Variants in ZNF891 observed in about 807,000 individuals in gnomAD.
The protein encoded by ZNF891 is hCG1646157.
For synonymous variants in ZNF891, 199 were observed against 209.0 expected (o/e 0.95, Z 0.41); for missense variants, 589 against 632.7 (o/e 0.93, Z 0.74).
chr12:133,126,832 A>T (rs1404262574), intron 1 of ZNF891, among the ~76,000 whole-genome samples: 1 of 151,982 alleles, frequency 6.6e-6, no homozygotes, highest in East Asian at 1.9e-4. Context: ...TAAATGAATA[A>T]ATAAGTAAAG....
rs1413767844 is a variant in ZNF891 at position 133,115,587 on chromosome 12, G to A, written c.*4697C>T. The A allele has an allele frequency of 1.3e-5, 2 of 151,996 alleles. No individual in the cohort carries two copies. The highest frequency in any genetic ancestry group is 6.6e-5 in the Admixed American group (1 of 15,262). 9.4% of individuals were successfully genotyped at this position (151,996 alleles called of 1,614,324 possible). On this transcript the variant is annotated 3_prime_UTR_variant, in exon 2 of 2. Transcript: ENST00000537226. Reference sequence around the variant, plus strand: ...ATTGTTTTCTCCTATGCATGTATTAGTTTTATTATTAAAAACCACAAAGTT... The same window carrying A: ...ATTGTTTTCTCCTATGCATGTATTAATTTTATTATTAAAAACCACAAAGTT...
At chr12:133,122,969 A>C (rs1475882207) in intron 1 of ZNF891, among the ~76,000 whole-genome samples, 1 of 152,230 alleles carries the variant, frequency 6.6e-6, no homozygotes, top group Non-Finnish European at 1.5e-5. Context: ...AAAATAACAT[A>C]TAGCGTAAAT....
At position 133,120,892 on chromosome 12, in the gene ZNF891, T is replaced by C. The variant is rs1263177950; in HGVS notation, c.1027A>G (p.Met343Val). 2.6e-6 allele frequency: 4 copies of C among 1,539,454 alleles called. No individual in the cohort carries two copies. Among genetic ancestry groups the C allele is most frequent in the Non-Finnish European group, 3.5e-6 (4 of 1,147,052 alleles). ...TTACATTCATATTGTTTCTCACCCATGTGACTTTTCTTGTATAAAGTAAGA... is the reference window on the plus strand; with the variant it reads ...TTACATTCATATTGTTTCTCACCCACGTGACTTTTCTTGTATAAAGTAAGA... ...SNLTLYKKSH[M>V]GEKQYECKEC... Residue 343 changes from methionine (M) to valine (V), a missense_variant, in exon 2 of 2, where the codon ATG (methionine) becomes GTG (valine). Coordinates refer to ENST00000537226, the MANE Select transcript of ZNF891 (RefSeq NM_001277291.2).
In ZNF891 at chr12:133,120,340, G is replaced by A; in HGVS notation, c.1579C>T (p.Gln527Ter). The change falls in exon 2 of 2, where the codon CAG becomes TAG. Residue 527 changes from glutamine to a stop codon, truncating the protein, a stop_gained. Transcript: ENST00000537226. LOFTEE classifies it low-confidence loss of function (END_TRUNC). ...TTGTGTATAATAAGTGAAGAGCTCT[G>A]ACTGAAGGCTTTTCCACATTGAATA... ...ECIQCGKAFS[Q>*]SSSLIIHKRI... 2 of 1,573,268 alleles carry A rather than the reference G, an allele frequency of 1.3e-6. No individual in the cohort carries two copies. Among genetic ancestry groups the A allele is most frequent in the South Asian group, 2.3e-5 (2 of 87,118 alleles).
Position 133,121,218 on chromosome 12 carries a change from T to C in ZNF891, c.701A>G (p.Asn234Ser). 1.3e-6 allele frequency: 2 copies of C among 1,535,582 alleles called. No individual in the cohort carries two copies. Among genetic ancestry groups the C allele is most frequent in the East Asian group, 4.9e-5 (2 of 40,904 alleles). ...CTCACTTATAGAGTTTTTCACATAATTGTTTATGATTGAATTGTGTTTCAA... is the reference window on the plus strand; with the variant it reads ...CTCACTTATAGAGTTTTTCACATAACTGTTTATGATTGAATTGTGTTTCAA... ...GCLKHNSIIN[N>S]YVKNSISEKL... The change falls in exon 2 of 2, where the codon AAT (asparagine) becomes AGT (serine). Residue 234 changes from asparagine (N) to serine (S), a missense_variant. Physicochemically the swap from Asn to Ser is conservative, Grantham distance 46. Transcript: ENST00000537226.
chr12:133,129,863 G>C (rs985638191), intron 1 of ZNF891, among the ~76,000 whole-genome samples: 6 of 152,182 alleles, frequency 3.9e-5, no homozygotes, highest in South Asian at 2.1e-4. Context: ...CTCATTACTA[G>C]GTTTAGAGAT....
At position 133,121,101 on chromosome 12, in the gene ZNF891, C is replaced by T. The variant is rs1475757558; in HGVS notation, c.818G>A (p.Gly273Glu). 4 of 1,535,456 alleles carry T rather than the reference C, an allele frequency of 2.6e-6. No homozygotes were observed. Among genetic ancestry groups the T allele is most frequent in the Non-Finnish European group, 2.6e-6 (3 of 1,146,772 alleles). ...VQKEYTYSKH[G>E]MHFTHNMFPV... ...AAACATATTATGTGTGAAGTGCATT[C>T]CATGTTTAGAATATGTGTACTCTTT... The change falls in exon 2 of 2, where the codon GGA (glycine) becomes GAA (glutamate). Residue 273 changes from glycine (G) to glutamate (E), a missense_variant. Transcript: ENST00000537226.
In ZNF891 at chr12:133,121,305, A is replaced by C; in HGVS notation, c.614T>G (p.Ile205Ser). ...ACTGGTGAAAATGCTCTGTGAAAAA[A>C]TAAGTTTTGATCCAAGTTTAGAGTT... The part of the protein sequence containing the change: ...EENSKLGSKL[I>S]FSQSIFTSKH... The change falls in exon 2 of 2, where the codon ATT (isoleucine) becomes AGT (serine). Residue 205 changes from isoleucine to serine, a missense_variant. Physicochemically the swap from Ile to Ser is moderately radical, Grantham distance 142 (BLOSUM62 -2). Transcript: ENST00000537226. 3 of 1,535,602 alleles carry C rather than the reference A, an allele frequency of 2.0e-6. No homozygotes were observed. Among genetic ancestry groups the C allele is most frequent in the Non-Finnish European group, 2.6e-6 (3 of 1,146,678 alleles).
intron 1 of ZNF891, among the ~76,000 whole-genome samples, chr12:133,127,124 C>T (rs1040822622): frequency 2.4e-4 from 36 of 151,774 alleles, no homozygotes; most frequent in African/African-American, 8.4e-4. Context: ...CCACCACGCC[C>T]GGCTAATTTT....
rs774261530 is a variant in ZNF891 at position 133,106,011 on chromosome 12, A to T, written c.*14273T>A. 3.1e-6 allele frequency: 5 copies of T among 1,614,182 alleles called. No homozygotes were observed. In the Admixed American group the frequency reaches 8.3e-5, roughly 27 times the overall value. On this transcript the variant is annotated 3_prime_UTR_variant, in exon 2 of 2. Coordinates refer to ENST00000537226, the MANE Select transcript of ZNF891 (RefSeq NM_001277291.2). ...AGAACGCACACTGGGGAGAAACCTT[A>T]TGAATGTACTGAGTGTGGAAAGGCC...
rs1955603268 is a variant in ZNF891 at position 133,106,478 on chromosome 12, A to G, written c.*13806T>C. ...AGCCTTCAGCCGGAGCTTTTCCCTCATTCTACATCAGAGAACTCATACTGG... is the reference window on the plus strand; with the variant it reads ...AGCCTTCAGCCGGAGCTTTTCCCTCGTTCTACATCAGAGAACTCATACTGG... On this transcript the variant is annotated 3_prime_UTR_variant, in exon 2 of 2. Transcript: ENST00000537226. 1.2e-6 allele frequency: 2 copies of G among 1,614,108 alleles called. No individual in the cohort carries two copies. Among genetic ancestry groups the G allele is most frequent in the Admixed American group, 3.3e-5 (2 of 60,020 alleles).
rs1485389753 is a variant in ZNF891 at position 133,125,978 on chromosome 12, A to G, written c.-106-3954T>C. 9.7e-6 allele frequency: 4 copies of G among 411,838 alleles called. No homozygotes were observed. The East Asian group carries it at 2.4e-4, about 25-fold the overall frequency. The allele number at this position is 411,838 out of a possible 1,614,324, so 25.5% of individuals were successfully genotyped here. A position where few individuals can be genotyped will look rare whatever the true frequency, so the allele number is the denominator to read the frequency against. ...ACTGAGTCCAGCTGGCTAATTCTAAATATGTACATCTTCTCATCAGGAAAA... is the reference window on the plus strand; with the variant it reads ...ACTGAGTCCAGCTGGCTAATTCTAAGTATGTACATCTTCTCATCAGGAAAA... On this transcript the variant is annotated intron_variant, in intron 1 of 1. Coordinates refer to ENST00000537226, the MANE Select transcript of ZNF891 (RefSeq NM_001277291.2).
At chr12:133,122,559 C>T (rs12422666) in intron 1 of ZNF891, among the ~76,000 whole-genome samples, 37,230 of 152,016 alleles carry the variant, frequency 0.24, 4,863 homozygotes, top group Non-Finnish European at 0.29. Context: ...TGAGAACATA[C>T]GGACACAGGG....
At position 133,120,557 on chromosome 12, in the gene ZNF891, A is replaced by G. The variant is rs967539076; in HGVS notation, c.1362T>C (p.His454=). The change falls in exon 2 of 2, where the codon CAT becomes CAC. Residue 454 remains histidine, a synonymous_variant. Transcript: ENST00000537226. ...TGCATTCATAAACATTCTCTCCGGT[A>G]TGAATTTTCTTATGAACTTTAAGGT... The part of the protein sequence containing the change: ...SSHLKVHKKI[H]TGENVYECSD... The G allele has an allele frequency of 1.3e-6, 2 of 1,561,030 alleles. No individual in the cohort carries two copies. Among genetic ancestry groups the G allele is most frequent in the Non-Finnish European group, 1.7e-6 (2 of 1,154,172 alleles).
intron 1 of ZNF891, among the ~76,000 whole-genome samples, chr12:133,124,584 G>C (rs1352183009): frequency 6.6e-6 from 1 of 151,452 alleles, no homozygotes; most frequent in Admixed American, 6.6e-5. Context: ...AAGAAAAAAG[G>C]CTAATTATCT....
Position 133,109,758 on chromosome 12 carries a change from A to G in ZNF891, c.*10526T>C, listed in dbSNP as rs1325397102. On this transcript the variant is annotated 3_prime_UTR_variant, in exon 2 of 2. Transcript: ENST00000537226. ...TAGAAACTTGGAAATGCAGAAATAA[A>G]TAACACTGGAGGGGTAAATATGTTG... 3 of 151,964 alleles carry G rather than the reference A, an allele frequency of 2.0e-5. No individual in the cohort carries two copies. The highest frequency in any genetic ancestry group is 2.0e-4 in the Admixed American group (3 of 15,280). The allele number at this position is 151,964 out of a possible 1,614,324, so 9.4% of individuals were successfully genotyped here.
rs1270407222 is a variant in ZNF891, at chr12:133,121,349, G to C, written c.570C>G (p.Asp190Glu). 6.5e-7 allele frequency: 1 copy of C among 1,535,906 alleles called. No individual in the cohort carries two copies. The highest frequency in any genetic ancestry group is 2.4e-5 in the East Asian group (1 of 40,910). Reference protein sequence around the residue: ...KKTVPQELFRDYHELEENSKL... With the variant: ...KKTVPQELFREYHELEENSKL... ...TAGAGTTTTCCTCTAATTCATGATA[G>C]TCACGGAATAGCTCCTGAGGTACTG... The change falls in exon 2 of 2, where the codon GAC becomes GAG. Residue 190 changes from aspartate (D) to glutamate (E), a missense_variant. By Grantham distance (45) the Asp-to-Glu change is conservative. Transcript: ENST00000537226.
chr12:133,121,557 G>C lies in ZNF891; in HGVS notation c.362C>G (p.Thr121Ser). Residue 121 changes from threonine to serine, a missense_variant, in exon 2 of 2, where the codon ACC becomes AGC. By Grantham distance (58) the Thr-to-Ser change is moderately conservative. Transcript: ENST00000537226. The part of the protein sequence containing the change: ...ICPDQKIQPK[T>S]KESTVQKILW... ...AATTTTCTGCACAGTTGATTCTTTG[G>C]TTTTAGGTTGAATCTTCTGGTCTGG... 1 of 1,536,452 alleles carries C rather than the reference G, an allele frequency of 6.5e-7. No individual in the cohort carries two copies. The highest frequency in any genetic ancestry group is 2.4e-5 in the East Asian group (1 of 40,908).
intron 1 of ZNF891, among the ~76,000 whole-genome samples, chr12:133,123,353 C>G (rs1171463894): frequency 6.6e-6 from 1 of 152,084 alleles, no homozygotes; most frequent in African/African-American, 2.4e-5. Flanking sequence ...ACCAAATGAA[C>G]CTATGATAAT....
Sources: gnomAD v4.1 joint callset for allele counts (sites outside exome capture counted in the v4.1 genomes callset) on GRCh38, gnomAD v4.1.1 for gene constraint, MANE v1.5 for transcripts, NCBI Gene and HGNC (gene_info 2026-07-23, HGNC 2026-07-21) for gene names.